The following FBXO4 variants were observed in gnomAD, a reference collection of about 807,000 sequenced individuals.
The protein encoded by FBXO4 is F-box protein 4.
A neutral mutation model predicts 43.7 loss-of-function variants in FBXO4; 36 were observed. That is an observed-to-expected ratio of 0.82 (90% CI 0.63 to 1.09). The LOEUF is 1.09. Ranked by LOEUF, FBXO4 falls within the 50% of genes least tolerant of loss-of-function variation. The probability of loss-of-function intolerance (pLI) is 0.00; values close to 1 mark genes in which losing one functional copy is unlikely to be tolerated. For synonymous variants in FBXO4, 180 were observed against 165.6 expected (o/e 1.09, Z -0.67); for missense variants, 435 against 474.1 (o/e 0.92, Z 0.77).
chr5:42,019,596 CA>C, the FBXO4 span, among the ~76,000 whole-genome samples: 7 of 151,158 alleles, frequency 4.6e-5, no homozygotes, highest in East Asian at 1.4e-3. Flanking sequence ...GTTGAGACAG[CA>C]GAATTGCTTG....
chr5:42,039,467 A>G, the FBXO4 span, among the ~76,000 whole-genome samples: 1 of 152,146 alleles, frequency 6.6e-6, no homozygotes, highest in South Asian at 2.1e-4. Context: ...CTTCCCAGAC[A>G]TGTTCCTACC....
chr5:41,925,285 G>C lies in FBXO4; in HGVS notation c.-25G>C. 2.3e-6 allele frequency: 3 copies of C among 1,318,280 alleles called. No homozygotes were observed. The highest frequency in any genetic ancestry group is 2.9e-6 in the Non-Finnish European group (3 of 1,029,116). 81.7% of individuals were successfully genotyped at this position (1,318,280 alleles called of 1,614,324 possible). On this transcript the variant is annotated 5_prime_UTR_variant, in exon 1 of 7. Coordinates refer to ENST00000281623, the MANE Select transcript of FBXO4 (RefSeq NM_012176.3). ...TGACGCGCTAGCGTGGCTCTAAGAC[G>C]CGTCACCCACGCTGCGGGCAAGCCA...
the FBXO4 span, among the ~76,000 whole-genome samples, chr5:41,992,669 G>A: frequency 6.6e-6 from 1 of 152,128 alleles, no homozygotes; most frequent in African/African-American, 2.4e-5. Flanking sequence ...TTATTTCATT[G>A]GGGAGATATT....
the FBXO4 span, among the ~76,000 whole-genome samples, chr5:42,024,733 C>A: frequency 6.6e-6 from 1 of 151,942 alleles, no homozygotes; most frequent in East Asian, 1.9e-4. Flanking sequence ...GGTAACCATC[C>A]TTCTACTCTC....
chr5:41,941,186 T>G lies in FBXO4; in HGVS notation c.1075-6T>G. The G allele has an allele frequency of 6.2e-7, 1 of 1,612,108 alleles. No individual in the cohort carries two copies. The highest frequency in any genetic ancestry group is 8.5e-7 in the Non-Finnish European group (1 of 1,178,300). ...ACTAACAACATTCTCTCTTATGTATTCCGAGGTCCAGGATACAGAGGCTGA... is the reference window on the plus strand; with the variant it reads ...ACTAACAACATTCTCTCTTATGTATGCCGAGGTCCAGGATACAGAGGCTGA... On this transcript the variant is annotated splice_region_variant and splice_polypyrimidine_tract_variant and intron_variant, in intron 6 of 6. Transcript: ENST00000281623.
chr5:41,936,648 G>A (rs1751855281), intron 5 of FBXO4, among the ~76,000 whole-genome samples: 1 of 152,088 alleles, frequency 6.6e-6, no homozygotes, highest in African/African-American at 2.4e-5. Context: ...AGTAAAACAA[G>A]CATGCTAGAT....
At chr5:42,017,505 A>G in the FBXO4 span, among the ~76,000 whole-genome samples, 2 of 151,654 alleles carry the variant, frequency 1.3e-5, no homozygotes, top group Admixed American at 6.6e-5. Context: ...GGTATATTGC[A>G]TAATACTAAG....
chr5:42,030,214 A>T, the FBXO4 span, among the ~76,000 whole-genome samples: 5 of 152,154 alleles, frequency 3.3e-5, no homozygotes. Context: ...CTATACTACA[A>T]GGCTACAGTA....
the FBXO4 span, among the ~76,000 whole-genome samples, chr5:42,020,731 C>A: frequency 6.6e-6 from 1 of 152,156 alleles, no homozygotes; most frequent in Non-Finnish European, 1.5e-5. Flanking sequence ...CAACTTATGT[C>A]TCATGGGCCA....
the FBXO4 span, among the ~76,000 whole-genome samples, chr5:41,952,644 C>T: frequency 5.3e-5 from 8 of 152,194 alleles, no homozygotes; most frequent in Middle Eastern, 3.4e-3. Flanking sequence ...TCTCCTAGCC[C>T]GAGGCAACCA....
intron 6 of FBXO4, 107 bp downstream of exon 6, chr5:41,939,723 C>A: frequency 1.2e-6 from 1 of 815,878 alleles, no homozygotes; most frequent in Non-Finnish European, 1.8e-6. Flanking sequence ...ATTCTAAAGT[C>A]AATTTTAATA....
At chr5:41,997,440 G>A in the FBXO4 span, among the ~76,000 whole-genome samples, 42 of 152,308 alleles carry the variant, frequency 2.8e-4, 1 homozygote, top group African/African-American at 8.4e-4. Flanking sequence ...GGTAGAGGCA[G>A]CTGTAATAGC....
At position 41,934,186 on chromosome 5, in the gene FBXO4, T is replaced by C; in HGVS notation, c.776T>C (p.Phe259Ser). ...CATACAAGTGCAGTTAACAAGATGTTCAGTCGACACAATGAAGGTGATGAT... is the reference window on the plus strand; with the variant it reads ...CATACAAGTGCAGTTAACAAGATGTCCAGTCGACACAATGAAGGTGATGAT... ...EEHTSAVNKM[F>S]SRHNEGDDQQ... Residue 259 changes from phenylalanine (F) to serine (S), a missense_variant, in exon 5 of 7, where the codon TTC becomes TCC. Physicochemically the swap from Phe to Ser is radical, Grantham distance 155. Coordinates refer to ENST00000281623, the MANE Select transcript of FBXO4 (RefSeq NM_012176.3). The C allele has an allele frequency of 2.5e-6, 4 of 1,614,108 alleles. No homozygotes were observed. Among genetic ancestry groups the C allele is most frequent in the Non-Finnish European group, 3.4e-6 (4 of 1,179,990 alleles).
chr5:41,972,889 C>A, the FBXO4 span, among the ~76,000 whole-genome samples: 1 of 152,000 alleles, frequency 6.6e-6, no homozygotes, highest in Non-Finnish European at 1.5e-5. Flanking sequence ...TGAAACTGGA[C>A]CCCTTTCTTT....
chr5:42,022,839 A>C, the FBXO4 span, among the ~76,000 whole-genome samples: 1 of 152,014 alleles, frequency 6.6e-6, no homozygotes, highest in African/African-American at 2.4e-5. Context: ...GAGATGAGGG[A>C]GAAAAGAGAA....
the FBXO4 span, among the ~76,000 whole-genome samples, chr5:42,011,681 C>T: frequency 4.2e-4 from 64 of 152,296 alleles, no homozygotes; most frequent in African/African-American, 1.4e-3. Context: ...TTTAGGATAA[C>T]TCTAAGGAAG....
the FBXO4 span, among the ~76,000 whole-genome samples, chr5:42,013,504 T>C: frequency 6.6e-6 from 1 of 152,302 alleles, no homozygotes; most frequent in East Asian, 1.9e-4. Context: ...CTGGATTCTA[T>C]TTTGAACCTT....
the FBXO4 span, among the ~76,000 whole-genome samples, chr5:41,982,047 G>C: frequency 8.1e-4 from 123 of 152,152 alleles, no homozygotes; most frequent in South Asian, 3.5e-3. Flanking sequence ...ATGGTTTCCA[G>C]CTTCATCCAT....
chr5:41,929,487 C>T (rs943743131), intron 2 of FBXO4, among the ~76,000 whole-genome samples: 3 of 152,208 alleles, frequency 2.0e-5, no homozygotes, highest in Admixed American at 1.3e-4. Flanking sequence ...TTCTGGGCCA[C>T]TCCCACCCCC....
Sources: gnomAD v4.1 joint callset for allele counts (sites outside exome capture counted in the v4.1 genomes callset) on GRCh38, gnomAD v4.1.1 for gene constraint, MANE v1.5 for transcripts, NCBI Gene and HGNC (gene_info 2026-07-23, HGNC 2026-07-21) for gene names.